Variants in SKA1 observed in about 807,000 individuals in gnomAD.
The protein encoded by SKA1 is spindle and kinetochore associated complex subunit 1.
In SKA1, 20 loss-of-function variants were observed where a neutral mutation model predicts 31.8. The observed-to-expected ratio is 0.63, with a 90% confidence interval of 0.44 to 0.91. The LOEUF (loss-of-function observed/expected upper bound fraction) is 0.91, where lower values mean the gene tolerates loss of function less well. SKA1 is among the 40% of genes least tolerant of loss of function. The pLI is 0.00. For synonymous variants in SKA1, 88 were observed against 100.5 expected (o/e 0.88, Z 0.74); for missense variants, 253 against 298.2 (o/e 0.85, Z 1.12).
chr18:50,379,757 G>C (rs1171859970), intron 2 of SKA1, among the ~76,000 whole-genome samples: 1 of 135,910 alleles, frequency 7.4e-6, no homozygotes, highest in African/African-American at 2.6e-5. Flanking sequence ...GGTATGAGGG[G>C]GAACCACAGT....
At position 50,393,329 on chromosome 18, in the gene SKA1, CTG is replaced by C. The variant is rs2041375781; in HGVS notation, c.*1083_*1084del. ...CATCTCAGAAAAAAAGAAAAAAAGA[CTG>C]GGTACAGATGTGATATTGGAAGAAA... On this transcript the variant is annotated 3_prime_UTR_variant, in exon 7 of 7. Transcript: ENST00000285116. The C allele has an allele frequency of 6.6e-6, 1 of 152,324 alleles. No individual in the cohort carries two copies. Among genetic ancestry groups the C allele is most frequent in the Non-Finnish European group, 1.5e-5 (1 of 68,196 alleles). The allele number at this position is 152,324 out of a possible 1,614,324, so 9.4% of individuals were successfully genotyped here.
intron 2 of SKA1, 58 bp downstream of exon 2, chr18:50,375,976 C>T (rs764798850): frequency 8.6e-6 from 9 of 1,044,614 alleles, no homozygotes; most frequent in South Asian, 1.4e-5. Context: ...GATTATTCCA[C>T]TCTGAATGAT....
rs1372341219 is a variant in SKA1, at chr18:50,392,834, A to G, written c.*587A>G. ...AAACTCTGCCTCCCAGGTTCACGCC[A>G]TCCTCCTGCCTCAGCCTCCTGAGTA... is the stretch of plus-strand genomic sequence containing the variant. On this transcript the variant is annotated 3_prime_UTR_variant, in exon 7 of 7. Coordinates refer to ENST00000285116, the MANE Select transcript of SKA1 (RefSeq NM_145060.4). The G allele has an allele frequency of 6.8e-6, 1 of 147,952 alleles. No individual in the cohort carries two copies. The highest frequency in any genetic ancestry group is 1.5e-5 in the Non-Finnish European group (1 of 67,514). The allele number at this position is 147,952 out of a possible 1,614,324, so 9.2% of individuals were successfully genotyped here.
chr18:50,392,063 C>G, intron 6 of SKA1, 36 bp from the exon 7 acceptor site: 1 of 1,494,056 alleles, frequency 6.7e-7, no homozygotes, highest in Non-Finnish European at 8.9e-7. Context: ...TGCAAGTTGG[C>G]CTTATAAAAA....
At chr18:50,385,814 AG>A (rs1302227257) in intron 5 of SKA1, among the ~76,000 whole-genome samples, 1 of 152,176 alleles carries the variant, frequency 6.6e-6, no homozygotes, top group Non-Finnish European at 1.5e-5. Flanking sequence ...TCCCCCAAAG[AG>A]GGGGGCGGGT....
At position 50,375,078 on chromosome 18, in the gene SKA1, G is replaced by T. The variant is rs899404213; in HGVS notation, c.-128G>T. On this transcript the variant is annotated 5_prime_UTR_variant, in exon 1 of 7. Transcript: ENST00000285116. ...TGCGCTGCGCTAGGGCGCGGCGGGC[G>T]GTTTGAATTTTGCTTACAGAGTCCC... 6.6e-6 allele frequency: 1 copy of T among 152,398 alleles called. No homozygotes were observed. The highest frequency in any genetic ancestry group is 2.4e-5 in the African/African-American group (1 of 41,476). The allele number at this position is 152,398 out of a possible 1,614,324, so 9.4% of individuals were successfully genotyped here. A position where few individuals can be genotyped will look rare whatever the true frequency, so the allele number is the denominator to read the frequency against.
Position 50,385,358 on chromosome 18 carries a change from G to T in SKA1, c.449+5G>T. ...TGAGTTCAATGGTGTTCCTTCGTAAGTATTTAAGATAAATAATGTTCAACC... is the reference window on the plus strand; with the variant it reads ...TGAGTTCAATGGTGTTCCTTCGTAATTATTTAAGATAAATAATGTTCAACC... On this transcript the variant is annotated splice_donor_5th_base_variant and intron_variant, in intron 5 of 6. Coordinates refer to ENST00000285116, the MANE Select transcript of SKA1 (RefSeq NM_145060.4). The T allele has an allele frequency of 6.3e-7, 1 of 1,587,644 alleles. No individual in the cohort carries two copies. Among genetic ancestry groups the T allele is most frequent in the Non-Finnish European group, 8.6e-7 (1 of 1,167,158 alleles).
At chr18:50,383,589 G>A (rs1350608357) in intron 4 of SKA1, among the ~76,000 whole-genome samples, 1 of 152,106 alleles carries the variant, frequency 6.6e-6, no homozygotes, top group Non-Finnish European at 1.5e-5. Context: ...TGAGGACTTG[G>A]CATCTTTATC....
chr18:50,387,265 G>C (rs1198257914), intron 5 of SKA1, among the ~76,000 whole-genome samples: 1 of 152,168 alleles, frequency 6.6e-6, no homozygotes, highest in African/African-American at 2.4e-5. Context: ...ATTTGACATT[G>C]AGCATCTTTT....
At position 50,391,138 on chromosome 18, in the gene SKA1, G is replaced by A. The variant is rs745684292; in HGVS notation, c.464G>A (p.Arg155His). 44 of 1,538,902 alleles carry A rather than the reference G, an allele frequency of 2.9e-5. No homozygotes were observed. Among genetic ancestry groups the A allele is most frequent in the Non-Finnish European group, 3.2e-5 (37 of 1,140,352 alleles). Reference protein sequence around the residue: ...FNGVPSYMKSRLTYNQINDVI... With the variant: ...FNGVPSYMKSHLTYNQINDVI... Reference sequence around the variant, plus strand: ...CTTTTTTACAGGTACATGAAATCCCGCTTAACCTATAATCAAATTAATGAT... The same window carrying A: ...CTTTTTTACAGGTACATGAAATCCCACTTAACCTATAATCAAATTAATGAT... The change falls in exon 6 of 7, where the codon CGC becomes CAC. Residue 155 changes from arginine to histidine, a missense_variant. Physicochemically the swap from Arg to His is conservative, Grantham distance 29. Transcript: ENST00000285116.
intron 2 of SKA1, among the ~76,000 whole-genome samples, chr18:50,379,095 G>A (rs2041244193): frequency 6.6e-6 from 1 of 152,134 alleles, no homozygotes; most frequent in Non-Finnish European, 1.5e-5. Flanking sequence ...TTTTACTTAT[G>A]TGTATGTCAT....
At chr18:50,386,394 T>A (rs573435737) in intron 5 of SKA1, among the ~76,000 whole-genome samples, 1 of 152,238 alleles carries the variant, frequency 6.6e-6, no homozygotes, top group Non-Finnish European at 1.5e-5. Flanking sequence ...ATTTTGGTTG[T>A]TGTTTTATTT....
chr18:50,386,765 G>C (rs75750808), intron 5 of SKA1, among the ~76,000 whole-genome samples: 1 of 152,096 alleles, frequency 6.6e-6, no homozygotes, highest in African/African-American at 2.4e-5. Flanking sequence ...AATGTTATAT[G>C]GTTAGAGTCA....
chr18:50,391,302 G>A lies in SKA1; in HGVS notation c.619+9G>A, dbSNP rs200583759. ...AACGAAGGATACCAAAGGTAAAATG[G>A]CAGCATATATGTGTGTACATGTGAA... On this transcript the variant is annotated intron_variant, in intron 6 of 6. Coordinates refer to ENST00000285116, the MANE Select transcript of SKA1 (RefSeq NM_145060.4). 113 of 1,582,396 alleles carry A rather than the reference G, an allele frequency of 7.1e-5. No individual in the cohort carries two copies. The African/African-American group carries it at 1.2e-3, about 16-fold the overall frequency.
intron 1 of SKA1, among the ~76,000 whole-genome samples, chr18:50,375,544 C>T (rs968016882): frequency 2.6e-5 from 4 of 152,112 alleles, no homozygotes; most frequent in African/African-American, 9.7e-5. Context: ...ACAAATAGTG[C>T]GTTTGTCCTC....
In SKA1 at chr18:50,393,686, A is replaced by G. The variant is rs930811198; in HGVS notation, c.*1439A>G. Reference sequence around the variant, plus strand: ...TGTTCAGAGCTCCTAAAACCCTTGTAATTTCCAAAGTGATGGAGTACATCT... The same window carrying G: ...TGTTCAGAGCTCCTAAAACCCTTGTGATTTCCAAAGTGATGGAGTACATCT... On this transcript the variant is annotated 3_prime_UTR_variant, in exon 7 of 7. Coordinates refer to ENST00000285116, the MANE Select transcript of SKA1 (RefSeq NM_145060.4). 10 of 152,200 alleles carry G rather than the reference A, an allele frequency of 6.6e-5. No homozygotes were observed. The highest frequency in any genetic ancestry group is 2.4e-4 in the African/African-American group (10 of 41,452). The allele number at this position is 152,200 out of a possible 1,614,324, so 9.4% of individuals were successfully genotyped here. A position where few individuals can be genotyped will look rare whatever the true frequency, so the allele number is the denominator to read the frequency against.
At chr18:50,385,422 T>C in intron 5 of SKA1, 69 bp downstream of exon 5, 1 of 1,253,284 alleles carries the variant, frequency 8.0e-7, no homozygotes, top group African/African-American at 1.5e-5. Flanking sequence ...TAATAAAGCT[T>C]AATTATATTA....
At chr18:50,391,744 G>A (rs9960300) in intron 6 of SKA1, among the ~76,000 whole-genome samples, 85,719 of 151,942 alleles carry the variant, frequency 0.56, 24,547 homozygotes, top group Non-Finnish European at 0.62. Flanking sequence ...ATCACTTACT[G>A]TTATTACTCC....
chr18:50,381,723 GTTT>G (rs552035122), intron 3 of SKA1, among the ~76,000 whole-genome samples: 50 of 54,422 alleles, frequency 9.2e-4, no homozygotes, highest in Non-Finnish European at 1.3e-3. Flanking sequence ...AGTCAATGTG[GTTT>G]TTTTTTTTTT....
Sources: gnomAD v4.1 joint callset for allele counts (sites outside exome capture counted in the v4.1 genomes callset) on GRCh38, gnomAD v4.1.1 for gene constraint, MANE v1.5 for transcripts, NCBI Gene and HGNC (gene_info 2026-07-23, HGNC 2026-07-21) for gene names.